ANKRD12: variants seen among roughly 807,000 people sequenced by gnomAD.
ANKRD12 encodes the protein ankyrin repeat domain-containing protein 12.
Under a neutral mutation model 183.4 loss-of-function variants are expected in ANKRD12, and 85 were observed. The observed-to-expected ratio is 0.46, with a 90% CI of 0.39 to 0.56. The LOEUF (loss-of-function observed/expected upper bound fraction) is 0.56. Ranked by LOEUF, ANKRD12 falls within the 20% of genes least tolerant of loss-of-function variation. The probability of loss-of-function intolerance (pLI) is 0.00; values close to 1 mark genes in which losing one functional copy is unlikely to be tolerated. For missense variants in ANKRD12, 2,405 were observed against 2,357.1 expected (o/e 1.02, Z -0.42); for synonymous variants, 914 against 800.2 (o/e 1.14, Z -2.40).
rs2039995926 is a variant in ANKRD12 at position 9,279,238 on chromosome 18, A to G, written c.5908-311A>G. 4.6e-5 allele frequency among the ~76,000 whole-genome samples: 7 copies of G among 152,206 alleles called. 1 individual carries two copies. The South Asian group carries it at 1.4e-3, about 31-fold the overall frequency. ...ATTAAAATTAAATCTGTAATTGGTT[A>G]TACAGTAATAATGTCACGGGCACAG... On this transcript the variant is annotated intron_variant, in intron 11 of 12. Transcript: ENST00000262126.
At position 9,256,280 on chromosome 18, in the gene ANKRD12, A is replaced by G; in HGVS notation, c.3013A>G (p.Lys1005Glu). The stretch of plus-strand genomic sequence containing the variant: ...ACCCTTATCCCTTAAAGAAAAAACA[A>G]AAGATGAACCTTTGAAAACTCCAGA... Reference protein sequence around the residue: ...EKPLSLKEKTKDEPLKTPDGK... With the variant: ...EKPLSLKEKTEDEPLKTPDGK... The change falls in exon 9 of 13, where the codon AAA becomes GAA. Residue 1005 changes from lysine to glutamate, a missense_variant. By Grantham distance (56) the Lys-to-Glu change is moderately conservative (BLOSUM62 1). This residue lies in a region of ANKRD12 where 1,983 missense variants were observed against 1,725.9 expected (regional missense o/e 1.15). Coordinates refer to ENST00000262126, the MANE Select transcript of ANKRD12 (RefSeq NM_015208.5). 6.2e-7 allele frequency: 1 copy of G among 1,606,470 alleles called. No individual in the cohort carries two copies. The highest frequency in any genetic ancestry group is 8.5e-7 in the Non-Finnish European group (1 of 1,177,718).
At chr18:9,195,162 A>G (rs1490965451) in intron 2 of ANKRD12, among the ~76,000 whole-genome samples, 1 of 152,178 alleles carries the variant, frequency 6.6e-6, no homozygotes, top group Non-Finnish European at 1.5e-5. Context: ...AGGGAACAGC[A>G]GACACTGGGG....
chr18:9,258,159 A>T lies in ANKRD12; in HGVS notation c.4892A>T (p.His1631Leu). ...NSTTDTQVIS[H>L]EKENKLESLV... is the part of the protein sequence containing the mutation. The stretch of plus-strand genomic sequence containing the variant: ...ACAACTGATACTCAGGTCATTTCAC[A>T]TGAAAAAGAAAACAAACTGGAGAGT... Residue 1631 changes from histidine (H) to leucine (L), a missense_variant, in exon 9 of 13, where the codon CAT becomes CTT. Physicochemically the swap from His to Leu is moderately conservative, Grantham distance 99. Coordinates refer to ENST00000262126, the MANE Select transcript of ANKRD12 (RefSeq NM_015208.5). The T allele has an allele frequency of 6.2e-7, 1 of 1,613,880 alleles. No homozygotes were observed. Among genetic ancestry groups the T allele is most frequent in the Non-Finnish European group, 8.5e-7 (1 of 1,179,990 alleles).
intron 6 of ANKRD12, among the ~76,000 whole-genome samples, chr18:9,216,533 C>T (rs2036118001): frequency 2.0e-5 from 3 of 152,168 alleles, no homozygotes; most frequent in Admixed American, 2.0e-4. Context: ...GGGTTAACAC[C>T]CCTAACCTTC....
At chr18:9,151,658 T>G (rs1177250357) in intron 1 of ANKRD12, among the ~76,000 whole-genome samples, 2 of 152,214 alleles carry the variant, frequency 1.3e-5, no homozygotes, top group Non-Finnish European at 2.9e-5. Flanking sequence ...CCTTTGCTAG[T>G]TGTCTTTTTT....
chr18:9,173,200 G>A (rs1181070066), intron 1 of ANKRD12, among the ~76,000 whole-genome samples: 2 of 151,810 alleles, frequency 1.3e-5, no homozygotes, highest in African/African-American at 4.8e-5. Context: ...CTCCAGAGTA[G>A]CTGGGATTAC....
intron 8 of ANKRD12, among the ~76,000 whole-genome samples, chr18:9,245,450 A>T (rs1438011836): frequency 1.3e-5 from 2 of 152,228 alleles, no homozygotes; most frequent in African/African-American, 2.4e-5. Context: ...ACAGAGCTAG[A>T]CCCTGTCTCA....
chr18:9,198,239 ATCT>A (rs1464694007), intron 3 of ANKRD12, among the ~76,000 whole-genome samples: 3 of 152,210 alleles, frequency 2.0e-5, no homozygotes, highest in Non-Finnish European at 2.9e-5. Context: ...GTATTTAAAG[ATCT>A]TCTAAGTGTG....
chr18:9,281,001 GA>G lies in ANKRD12; in HGVS notation c.6066del (p.Glu2022AspfsTer38). 1 of 1,614,084 alleles carries G rather than the reference GA, an allele frequency of 6.2e-7. No individual in the cohort carries two copies. Among genetic ancestry groups the G allele is most frequent in the Non-Finnish European group, 8.5e-7 (1 of 1,179,986 alleles). On this transcript the variant is annotated frameshift_variant, in exon 13 of 13. Coordinates refer to ENST00000262126, the MANE Select transcript of ANKRD12 (RefSeq NM_015208.5). LOFTEE classifies it high-confidence loss of function. ...GGCTTTAAATGCTGTCCAGAGGTTAGAATGGCAGCTCAAACTCCAGGAACTT... is the reference window on the plus strand; with the variant it reads ...GGCTTTAAATGCTGTCCAGAGGTTAGATGGCAGCTCAAACTCCAGGAACTT... ...AAALNAVQRL[E>X]WQLKLQELDP... is the part of the protein sequence containing the mutation.
At chr18:9,183,505 G>A (rs2033844205) in intron 2 of ANKRD12, among the ~76,000 whole-genome samples, 1 of 152,044 alleles carries the variant, frequency 6.6e-6, no homozygotes, top group African/African-American at 2.4e-5. Context: ...GTGCTACTAT[G>A]GATAATTTTA....
At chr18:9,209,632 T>G (rs1020726192) in intron 5 of ANKRD12, among the ~76,000 whole-genome samples, 1 of 152,202 alleles carries the variant, frequency 6.6e-6, no homozygotes, top group East Asian at 1.9e-4. Context: ...GTTTTAGGGC[T>G]TCCTGCTTTT....
chr18:9,221,025 G>A (rs991619458), intron 7 of ANKRD12, among the ~76,000 whole-genome samples: 7 of 152,092 alleles, frequency 4.6e-5, no homozygotes, highest in African/African-American at 1.7e-4. Flanking sequence ...AGGGTAGGAC[G>A]ATATAGGTTT....
chr18:9,277,115 G>GT (rs1177552789), intron 11 of ANKRD12, among the ~76,000 whole-genome samples: 1 of 152,118 alleles, frequency 6.6e-6, no homozygotes, highest in Non-Finnish European at 1.5e-5. Context: ...ATACATACCT[G>GT]TTGATTCCTT....
chr18:9,244,939 G>A (rs555863463), intron 8 of ANKRD12, among the ~76,000 whole-genome samples: 5 of 152,062 alleles, frequency 3.3e-5, no homozygotes, highest in Non-Finnish European at 7.4e-5. Context: ...TATAGGTAGC[G>A]TTTATTCTTT....
intron 5 of ANKRD12, among the ~76,000 whole-genome samples, chr18:9,210,412 C>G (rs2035727492): frequency 6.6e-6 from 1 of 151,826 alleles, no homozygotes; most frequent in Admixed American, 6.6e-5. Context: ...ATTACCGAGA[C>G]AATGTACTTT....
At chr18:9,259,262 T>A (rs995237987) in intron 9 of ANKRD12, 1 of 172,088 alleles carries the variant, frequency 5.8e-6, no homozygotes. Flanking sequence ...TGTTGCTGCC[T>A]TAAATCAATC....
Position 9,279,660 on chromosome 18 carries a change from A to G in ANKRD12, c.6003+16A>G, listed in dbSNP as rs776642280. 4 of 1,494,236 alleles carry G rather than the reference A, an allele frequency of 2.7e-6. No individual in the cohort carries two copies. Among genetic ancestry groups the G allele is most frequent in the Non-Finnish European group, 2.7e-6 (3 of 1,092,016 alleles). 92.6% of individuals were successfully genotyped at this position (1,494,236 alleles called of 1,614,324 possible). The stretch of plus-strand genomic sequence containing the variant: ...CAAATTAAAGGTATGTATGTTTGGA[A>G]GTCAGTTTAAATGAATGCTTCCCCC... On this transcript the variant is annotated intron_variant, in intron 12 of 12. Coordinates refer to ENST00000262126, the MANE Select transcript of ANKRD12 (RefSeq NM_015208.5).
chr18:9,273,593 A>C (rs1049265096), intron 10 of ANKRD12, among the ~76,000 whole-genome samples: 1 of 152,236 alleles, frequency 6.6e-6, no homozygotes, highest in African/African-American at 2.4e-5. Context: ...CAAGTTAAAC[A>C]GAGTCACCAG....
chr18:9,182,890 C>T (rs546573529), intron 2 of ANKRD12, among the ~76,000 whole-genome samples: 2 of 152,268 alleles, frequency 1.3e-5, no homozygotes, highest in South Asian at 4.1e-4. Context: ...CAATTGTCTC[C>T]TAACTGGTCT....
Sources: allele counts gnomAD v4.1 joint callset (sites outside exome capture counted in the v4.1 genomes callset), GRCh38; gene constraint gnomAD v4.1.1; regional missense constraint gnomAD v4.1.1; transcripts MANE v1.5; gene names NCBI Gene and HGNC (gene_info 2026-07-23, HGNC 2026-07-21).